PTGR3: variants seen among roughly 807,000 people sequenced by gnomAD.
PTGR3 encodes prostaglandin reductase 3.
the PTGR3 span, chr18:75,197,542 G>C: frequency 6.6e-6 from 1 of 152,182 alleles, no homozygotes; most frequent in Admixed American, 6.5e-5. Context: ...CAACCGTACT[G>C]ATAATCCCGC....
chr18:75,196,657 A>AAAAAAAAAAAAAAAAAG, the PTGR3 span: 1 of 128,040 alleles, frequency 7.8e-6, no homozygotes, highest in Non-Finnish European at 1.6e-5. Flanking sequence ...AAAAAAAAAA[A>AAAAAAAAAAAAAAAAAG]GTCTGTACTT....
the PTGR3 span, chr18:75,202,289 G>T: frequency 2.3e-5 from 37 of 1,614,064 alleles, no homozygotes; most frequent in Middle Eastern, 3.3e-4. Context: ...TAACTGAGGG[G>T]TCATAGCGGC....
the PTGR3 span, among the ~76,000 whole-genome samples, chr18:75,207,901 T>C: frequency 8.5e-5 from 13 of 152,198 alleles, no homozygotes; most frequent in African/African-American, 3.1e-4. Context: ...ACTTGACACA[T>C]GCAGCACCGT....
the PTGR3 span, among the ~76,000 whole-genome samples, chr18:75,204,561 C>G: frequency 7.7e-4 from 117 of 152,294 alleles, no homozygotes; most frequent in African/African-American, 2.8e-3. Context: ...CGTCCAGGCT[C>G]CGTCCATCTA....
the PTGR3 span, among the ~76,000 whole-genome samples, chr18:75,207,949 G>A: frequency 1.3e-5 from 2 of 152,188 alleles, no homozygotes; most frequent in Non-Finnish European, 2.9e-5. Context: ...TCTGCAGAGG[G>A]CATAGAGGAG....
At chr18:75,202,018 C>T in the PTGR3 span, 22 of 1,614,046 alleles carry the variant, frequency 1.4e-5, no homozygotes, top group East Asian at 3.3e-4. Flanking sequence ...GCTGCTGTCA[C>T]CAAAACTTTT....
At chr18:75,200,874 G>C in the PTGR3 span, 1 of 152,124 alleles carries the variant, frequency 6.6e-6, no homozygotes, top group Non-Finnish European at 1.5e-5. Flanking sequence ...AAATTTGGGA[G>C]GGAATTCCCC....
At chr18:75,209,023 G>C in the PTGR3 span, 1 of 1,577,162 alleles carries the variant, frequency 6.3e-7, no homozygotes, top group Non-Finnish European at 8.6e-7. The surrounding 1 kb of genome is among the most constrained non-coding windows in gnomAD (Gnocchi z 4.7). Context: ...ACATGTCCAC[G>C]ATGGCCCGGG....
chr18:75,204,930 C>T, the PTGR3 span, among the ~76,000 whole-genome samples: 1 of 152,322 alleles, frequency 6.6e-6, no homozygotes, highest in South Asian at 2.1e-4. Flanking sequence ...TGACCTTGGC[C>T]TCGCAGGCAC....
the PTGR3 span, among the ~76,000 whole-genome samples, chr18:75,205,664 A>T: frequency 1.3e-5 from 2 of 152,180 alleles, no homozygotes; most frequent in African/African-American, 2.4e-5. Context: ...TCCAGAGTAA[A>T]AGCCTTCAAT....
At chr18:75,208,937 A>G in the PTGR3 span, 1 of 1,589,374 alleles carries the variant, frequency 6.3e-7, no homozygotes, top group Non-Finnish European at 8.5e-7. Context: ...GTTGGGGCTC[A>G]GCCGGGTCAC....
At chr18:75,207,597 T>C in the PTGR3 span, among the ~76,000 whole-genome samples, 2 of 152,026 alleles carry the variant, frequency 1.3e-5, no homozygotes, top group Admixed American at 1.3e-4. Flanking sequence ...CTTTAAGCCA[T>C]TCCAGACCAG....
At chr18:75,207,689 T>A in the PTGR3 span, among the ~76,000 whole-genome samples, 1 of 151,082 alleles carries the variant, frequency 6.6e-6, no homozygotes, top group Non-Finnish European at 1.5e-5. Flanking sequence ...TATATCGTGA[T>A]CAGCATTCTT....
chr18:75,205,239 A>T, the PTGR3 span: 4 of 985,590 alleles, frequency 4.1e-6, no homozygotes, highest in Non-Finnish European at 4.8e-6. Flanking sequence ...CACCAGAAAC[A>T]AGTTCAAGCG....
chr18:75,203,486 A>T, the PTGR3 span, among the ~76,000 whole-genome samples: 3 of 152,174 alleles, frequency 2.0e-5, no homozygotes, highest in Non-Finnish European at 2.9e-5. Flanking sequence ...TATAGGTAAT[A>T]CTCTGCGCTT....
the PTGR3 span, chr18:75,208,274 C>T: frequency 1.0e-6 from 1 of 955,374 alleles, no homozygotes; most frequent in Non-Finnish European, 1.2e-6. Flanking sequence ...AACAGTCACA[C>T]TGCACTGACA....
chr18:75,199,775 C>T, the PTGR3 span: 1 of 152,640 alleles, frequency 6.6e-6, no homozygotes, highest in Non-Finnish European at 1.5e-5. Flanking sequence ...GCCTCTAGTG[C>T]TATTTGTCTT....
At chr18:75,201,811 A>AT in the PTGR3 span, 1 of 1,614,134 alleles carries the variant, frequency 6.2e-7, no homozygotes, top group Non-Finnish European at 8.5e-7. Flanking sequence ...CCCCCAACAG[A>AT]TTCATAGACC....
the PTGR3 span, chr18:75,205,633 A>C: frequency 6.0e-6 from 2 of 334,700 alleles, no homozygotes; most frequent in Non-Finnish European, 8.5e-6. Flanking sequence ...TCTGAACAAA[A>C]ACCAAAGGCG....
Sources: gnomAD v4.1 joint callset for allele counts (sites outside exome capture counted in the v4.1 genomes callset) on GRCh38, gnomAD v4.1.1 for gene constraint, Gnocchi (gnomAD v3.1) non-coding constraint, MANE v1.5 for transcripts, NCBI Gene and HGNC (gene_info 2026-07-23, HGNC 2026-07-21) for gene names.